GAB2: variants seen among roughly 807,000 people sequenced by gnomAD.
GAB2 encodes GRB2-associated-binding protein 2.
In GAB2, 26 loss-of-function variants were observed where a neutral mutation model predicts 65.5. The ratio of observed to expected loss-of-function variants is 0.40; its 90% CI spans 0.29 to 0.55. The LOEUF is 0.55. GAB2 is among the 20% of genes least tolerant of loss of function. The probability of loss-of-function intolerance (pLI) is 0.53; values close to 1 mark genes in which losing one functional copy is unlikely to be tolerated. For missense variants in GAB2, 884 were observed against 875.8 expected, an observed-to-expected ratio of 1.01 and a Z score of -0.12; for synonymous variants, 321 against 329.6, an observed-to-expected ratio of 0.97 and a Z score of 0.28.
chr11:78,309,967 TGTGTGC>T (rs1182360702), intron 1 of GAB2, among the ~76,000 whole-genome samples: 3,276 of 100,968 alleles, frequency 0.032, 94 homozygotes, highest in African/African-American at 0.1. Flanking sequence ...TGTGTGTGTG[TGTGTGC>T]GCGCGCGCCT....
intron 2 of GAB2, among the ~76,000 whole-genome samples, chr11:78,261,144 A>C (rs1865718309): frequency 1.3e-5 from 2 of 152,090 alleles, no homozygotes; most frequent in Admixed American, 1.3e-4. Flanking sequence ...TTAGCTGGGC[A>C]TTGTGGCAGA....
chr11:78,367,677 A>C (rs1856514024), intron 1 of GAB2, among the ~76,000 whole-genome samples: 1 of 148,516 alleles, frequency 6.7e-6, no homozygotes, highest in Non-Finnish European at 1.5e-5. Context: ...AGATGCAGTC[A>C]CTTCATATAG....
chr11:78,400,574 C>T (rs1856955963), intron 1 of GAB2, among the ~76,000 whole-genome samples: 1 of 152,130 alleles, frequency 6.6e-6, no homozygotes, highest in South Asian at 2.1e-4. Context: ...ATCTCATTGT[C>T]CCTTTCTACC....
At chr11:78,329,266 TAG>T (rs1421179317) in intron 1 of GAB2, among the ~76,000 whole-genome samples, 1 of 152,026 alleles carries the variant, frequency 6.6e-6, no homozygotes, top group African/African-American at 2.4e-5. Context: ...AGAAAGAGAG[TAG>T]AGAGTTTATA....
intron 1 of GAB2, among the ~76,000 whole-genome samples, chr11:78,299,082 T>G (rs1171955505): frequency 6.6e-6 from 1 of 152,132 alleles, no homozygotes; most frequent in Non-Finnish European, 1.5e-5. Flanking sequence ...AAACCTCAAA[T>G]GACTCTACTA....
At chr11:78,233,729 C>G (rs1003097332) in intron 3 of GAB2, among the ~76,000 whole-genome samples, 1 of 152,160 alleles carries the variant, frequency 6.6e-6, no homozygotes, top group Non-Finnish European at 1.5e-5. Flanking sequence ...GCCTCAGCCT[C>G]GCCAGTAGCT....
intron 1 of GAB2, among the ~76,000 whole-genome samples, chr11:78,320,049 A>G (rs1247584089): frequency 6.6e-6 from 1 of 151,930 alleles, no homozygotes; most frequent in Non-Finnish European, 1.5e-5. Flanking sequence ...TAACTTTTGC[A>G]TTTTTGTGGA....
chr11:78,248,046 C>G (rs1865345330), intron 3 of GAB2, among the ~76,000 whole-genome samples: 1 of 152,088 alleles, frequency 6.6e-6, no homozygotes, highest in Non-Finnish European at 1.5e-5. Context: ...TGGATTTGTT[C>G]AAATTATTAT....
intron 1 of GAB2, among the ~76,000 whole-genome samples, chr11:78,315,305 A>G (rs562330858): frequency 6.6e-6 from 1 of 152,314 alleles, no homozygotes; most frequent in Non-Finnish European, 1.5e-5. Context: ...ATGTCTTTGA[A>G]CTGCCAAGGA....
chr11:78,236,675 A>G (rs998072206), intron 3 of GAB2, among the ~76,000 whole-genome samples: 1 of 152,164 alleles, frequency 6.6e-6, no homozygotes, highest in African/African-American at 2.4e-5. Context: ...TTTTTTTTCA[A>G]TGAAGTACTG....
chr11:78,219,219 G>A lies in GAB2; in HGVS notation c.*53C>T, dbSNP rs2134448426. Reference sequence around the variant, plus strand: ...AACGGGAGAGGGGAGAGGGGAGATGGGAAGGGCCAGCTCTGGAGATGCTGC... The same window carrying A: ...AACGGGAGAGGGGAGAGGGGAGATGAGAAGGGCCAGCTCTGGAGATGCTGC... On this transcript the variant is annotated 3_prime_UTR_variant, in exon 10 of 10. Transcript: ENST00000361507. 5 of 1,567,042 alleles carry A rather than the reference G, an allele frequency of 3.2e-6. No individual in the cohort carries two copies. In the South Asian group the frequency reaches 4.5e-5, roughly 14 times the overall value.
At chr11:78,249,981 G>A (rs1291364377) in intron 3 of GAB2, among the ~76,000 whole-genome samples, 176 bp downstream of exon 3, 3 of 151,890 alleles carry the variant, frequency 2.0e-5, no homozygotes, top group Admixed American at 2.0e-4. Context: ...TAGCAACACA[G>A]ATGATGCCAA....
chr11:78,308,704 T>A (rs567958273), intron 1 of GAB2, among the ~76,000 whole-genome samples: 2 of 152,242 alleles, frequency 1.3e-5, no homozygotes, highest in East Asian at 3.9e-4. Context: ...ATGGTAAAAC[T>A]GCAAACAAAA....
chr11:78,325,691 A>G (rs1313973794), intron 1 of GAB2, among the ~76,000 whole-genome samples: 1 of 152,216 alleles, frequency 6.6e-6, no homozygotes, highest in African/African-American at 2.4e-5. Context: ...CTACCCACGT[A>G]AAGTGTGGGC....
chr11:78,252,951 C>T (rs1017676219), intron 2 of GAB2, among the ~76,000 whole-genome samples: 5 of 151,758 alleles, frequency 3.3e-5, no homozygotes, highest in Non-Finnish European at 4.4e-5. Flanking sequence ...ATTATGTCAC[C>T]GTCCCTCTTA....
chr11:78,252,892 T>C (rs1865494059), intron 2 of GAB2, among the ~76,000 whole-genome samples: 1 of 152,032 alleles, frequency 6.6e-6, no homozygotes, highest in African/African-American at 2.4e-5. Flanking sequence ...AAGCCAGAAG[T>C]CCAGGCATTA....
intron 1 of GAB2, among the ~76,000 whole-genome samples, chr11:78,410,830 A>C (rs1809138885): frequency 6.6e-6 from 1 of 152,168 alleles, no homozygotes; most frequent in African/African-American, 2.4e-5. Flanking sequence ...CCAAAGGTTT[A>C]AAGAATTATA....
intron 1 of GAB2, among the ~76,000 whole-genome samples, chr11:78,389,445 T>C (rs1414679998): frequency 6.6e-6 from 1 of 152,160 alleles, no homozygotes; most frequent in Non-Finnish European, 1.5e-5. Flanking sequence ...TAGCTGGGAT[T>C]ACAGGCATGT....
chr11:78,227,631 C>A lies in GAB2; in HGVS notation c.621-580G>T, dbSNP rs1174139765. Among the ~76,000 whole-genome samples, 632 of 106,020 alleles carry A rather than the reference C, an allele frequency of 6.0e-3. 5 individuals carry two copies. The highest frequency in any genetic ancestry group is 0.02 in the African/African-American group (540 of 27,588). The allele number at this position is 106,020 out of a possible 152,430, so 69.6% of individuals were successfully genotyped here. ...GAACACAATAAGACTCCATTGCCAC[C>A]AAAAAAAAAAAAAAAAGAACTAGCT... On this transcript the variant is annotated intron_variant, in intron 3 of 9. Transcript: ENST00000361507.
Sources: allele counts gnomAD v4.1 joint callset (sites outside exome capture counted in the v4.1 genomes callset), GRCh38; gene constraint gnomAD v4.1.1; transcripts MANE v1.5; gene names NCBI Gene and HGNC (gene_info 2026-07-23, HGNC 2026-07-21).